CHCHD7: variants seen among roughly 807,000 people sequenced by gnomAD.
CHCHD7 encodes the protein coiled-coil-helix-coiled-coil-helix domain containing 7, also known as coiled-coil-helix-coiled-coil-helix domain-containing protein 7.
CHCHD7 carries 7 observed loss-of-function variants against 10.5 expected under a neutral mutation model. That is an observed-to-expected ratio of 0.67 (90% CI 0.38 to 1.25). CHCHD7 has a LOEUF of 1.25. Among genes scored for constraint, CHCHD7 ranks in the 50% most tolerant of loss-of-function variants. The pLI is 0.02. For missense variants in CHCHD7, 100 were observed against 104.5 expected (o/e 0.96, Z 0.19); for synonymous variants, 40 against 36.0 (o/e 1.11, Z -0.40).
At chr8:56,214,533 T>G in intron 1 of CHCHD7, 65 bp from the exon 2 acceptor site, 1 of 1,204,776 alleles carries the variant, frequency 8.3e-7, no homozygotes, top group Non-Finnish European at 1.2e-6. Flanking sequence ...TTTAGTGCTA[T>G]TGAGATGTAT....
At position 56,218,370 on chromosome 8, in the gene CHCHD7, T is replaced by C. The variant is rs577814136; in HGVS notation, c.*935T>C. 7 of 226,282 alleles carry C rather than the reference T, an allele frequency of 3.1e-5. No individual in the cohort carries two copies. The highest frequency in any genetic ancestry group is 6.2e-5 in the Non-Finnish European group (7 of 113,798). 14.0% of individuals were successfully genotyped at this position (226,282 alleles called of 1,614,324 possible). A position where few individuals can be genotyped will look rare whatever the true frequency, so the allele number is the denominator to read the frequency against. On this transcript the variant is annotated 3_prime_UTR_variant, in exon 4 of 4. Coordinates refer to ENST00000355315, the MANE Select transcript of CHCHD7 (RefSeq NM_001011671.3). The stretch of plus-strand genomic sequence containing the variant: ...GCAGCCCTCCTTATGCCCACTGCCT[T>C]TTAGAATCGTTTGTTTTATTCATGG...
rs752066041 is a variant in CHCHD7 at position 56,217,315 on chromosome 8, T to C, written c.154-16T>C. ...GATTTTGGTTTCTTCTTTTTTATTT[T>C]AATGCCTGTACACAGAATTCTATCG... On this transcript the variant is annotated splice_polypyrimidine_tract_variant and intron_variant, in intron 3 of 3. Transcript: ENST00000355315. The C allele has an allele frequency of 1.3e-6, 2 of 1,506,314 alleles. No individual in the cohort carries two copies. Among genetic ancestry groups the C allele is most frequent in the Admixed American group, 1.8e-5 (1 of 56,174 alleles). 93.3% of individuals were successfully genotyped at this position (1,506,314 alleles called of 1,614,324 possible).
intron 1 of CHCHD7, chr8:56,212,630 AAGT>A: frequency 2.2e-6 from 1 of 464,968 alleles, no homozygotes; most frequent in South Asian, 4.1e-5. Flanking sequence ...TATGCTCTGC[AAGT>A]AGTAGAGCCT....
intron 1 of CHCHD7, chr8:56,212,821 C>T (rs1412241781): frequency 1.2e-5 from 18 of 1,522,738 alleles, no homozygotes; most frequent in Admixed American, 1.7e-5. Flanking sequence ...CTTAGAGTGC[C>T]TTGTATTTAG....
chr8:56,217,647 A>C lies in CHCHD7; in HGVS notation c.*212A>C, dbSNP rs759373156. ...TGGCTGTGTTGTGGCATGAGTTTGC[A>C]TGACTTTCTGGAGGCATGGAGTTAG... On this transcript the variant is annotated 3_prime_UTR_variant, in exon 4 of 4. Transcript: ENST00000355315. 1.6e-5 allele frequency: 7 copies of C among 430,752 alleles called. No individual in the cohort carries two copies. The highest frequency in any genetic ancestry group is 2.9e-5 in the Non-Finnish European group (7 of 238,778). The allele number at this position is 430,752 out of a possible 1,614,324, so 26.7% of individuals were successfully genotyped here.
rs898449519 is a variant in CHCHD7 at position 56,213,730 on chromosome 8, G to T, written c.-16-868G>T. On this transcript the variant is annotated intron_variant, in intron 1 of 3. Coordinates refer to ENST00000355315, the MANE Select transcript of CHCHD7 (RefSeq NM_001011671.3). ...GTAGCATTCCCTGACTTCCTGCAAC[G>T]CAGGGAAATAGTTAAAAAGAAGATG... 2.0e-5 allele frequency: 3 copies of T among 152,230 alleles called. No homozygotes were observed. In the East Asian group the frequency reaches 5.8e-4, roughly 29 times the overall value. 9.4% of individuals were successfully genotyped at this position (152,230 alleles called of 1,614,324 possible). A position where few individuals can be genotyped will look rare whatever the true frequency, so the allele number is the denominator to read the frequency against.
intron 2 of CHCHD7, chr8:56,215,675 AC>A (rs1813307843): frequency 6.6e-6 from 1 of 152,144 alleles, no homozygotes; most frequent in Non-Finnish European, 1.5e-5. Context: ...TTCCTAACAG[AC>A]CGAAGACCAG....
rs1242818281 is a variant in CHCHD7 at position 56,218,167 on chromosome 8, T to C, written c.*732T>C. 4.4e-6 allele frequency: 1 copy of C among 227,996 alleles called. No individual in the cohort carries two copies. Among genetic ancestry groups the C allele is most frequent in the African/African-American group, 2.2e-5 (1 of 45,064 alleles). 14.1% of individuals were successfully genotyped at this position (227,996 alleles called of 1,614,324 possible). A position where few individuals can be genotyped will look rare whatever the true frequency, so the allele number is the denominator to read the frequency against. ...AGTATCAGTTTTTGAACCACAGTAATGGGAAGAAAGACAAATGGATTCCCT... is the reference window on the plus strand; with the variant it reads ...AGTATCAGTTTTTGAACCACAGTAACGGGAAGAAAGACAAATGGATTCCCT... On this transcript the variant is annotated 3_prime_UTR_variant, in exon 4 of 4. Transcript: ENST00000355315.
At chr8:56,216,997 G>A (rs1233251640) in intron 3 of CHCHD7, 5 of 418,248 alleles carry the variant, frequency 1.2e-5, no homozygotes, top group East Asian at 5.1e-5. Flanking sequence ...ATTTCCTTTC[G>A]CTTTGCTAAA....
chr8:56,216,328 C>G, intron 2 of CHCHD7, 105 bp from the exon 3 acceptor site: 1 of 1,516,700 alleles, frequency 6.6e-7, no homozygotes, highest in Non-Finnish European at 8.8e-7. Context: ...CACAAATGAA[C>G]TATTTCACAT....
At chr8:56,214,374 A>G in intron 1 of CHCHD7, 1 of 363,488 alleles carries the variant, frequency 2.8e-6, no homozygotes, top group South Asian at 5.8e-5. Flanking sequence ...CCCAGCCAGT[A>G]GATGCATTTC....
intron 2 of CHCHD7, chr8:56,214,988 C>T (rs1336048153): frequency 9.2e-6 from 2 of 218,388 alleles, no homozygotes; most frequent in Non-Finnish European, 1.9e-5. Flanking sequence ...TTTAAACTGT[C>T]ACTGACATTT....
At chr8:56,213,007 C>T in intron 1 of CHCHD7, 1 of 716,034 alleles carries the variant, frequency 1.4e-6, no homozygotes, top group Non-Finnish European at 2.5e-6. Flanking sequence ...GTTGTCTGAT[C>T]CTTGTTGAGA....
chr8:56,214,219 C>T (rs1022266131), intron 1 of CHCHD7: 22 of 154,980 alleles, frequency 1.4e-4, no homozygotes, highest in East Asian at 7.5e-4. Flanking sequence ...CACAGGCACA[C>T]GGCACGACAC....
chr8:56,217,724 A>G lies in CHCHD7; in HGVS notation c.*289A>G, dbSNP rs933454544. ...TTCCACTGGGTTTTGAAAGAAGAGT[A>G]TGATGTGAACAAGTAAAGACTGAAT... On this transcript the variant is annotated 3_prime_UTR_variant, in exon 4 of 4. Coordinates refer to ENST00000355315, the MANE Select transcript of CHCHD7 (RefSeq NM_001011671.3). The G allele has an allele frequency of 3.1e-6, 1 of 324,602 alleles. No individual in the cohort carries two copies. The highest frequency in any genetic ancestry group is 5.0e-5 in the South Asian group (1 of 20,054). The allele number at this position is 324,602 out of a possible 1,614,324, so 20.1% of individuals were successfully genotyped here. A position where few individuals can be genotyped will look rare whatever the true frequency, so the allele number is the denominator to read the frequency against.
chr8:56,216,113 A>C (rs1335916975), intron 2 of CHCHD7, among the ~76,000 whole-genome samples: 1 of 152,228 alleles, frequency 6.6e-6, no homozygotes, highest in African/African-American at 2.4e-5. Context: ...TGCAGTAGTC[A>C]TTTAACACAT....
chr8:56,213,852 A>G (rs1813180042), intron 1 of CHCHD7: 1 of 152,192 alleles, frequency 6.6e-6, no homozygotes, highest in Non-Finnish European at 1.5e-5. Flanking sequence ...TGTGTTGGCT[A>G]CCCTACTATT....
chr8:56,212,229 G>GA (rs1450552555), intron 1 of CHCHD7: 10 of 153,136 alleles, frequency 6.5e-5, no homozygotes, highest in African/African-American at 2.4e-4. Context: ...CTACACCGCG[G>GA]AAGGCGGCGA....
chr8:56,216,393 T>C (rs552741696), intron 2 of CHCHD7, 40 bp from the exon 3 acceptor site: 1 of 1,612,180 alleles, frequency 6.2e-7, no homozygotes, highest in East Asian at 2.2e-5. Flanking sequence ...TTTTAGATCC[T>C]GTTCTACCTT....
Sources: gnomAD v4.1 joint callset for allele counts (sites outside exome capture counted in the v4.1 genomes callset) on GRCh38, gnomAD v4.1.1 for gene constraint, MANE v1.5 for transcripts, NCBI Gene and HGNC (gene_info 2026-07-23, HGNC 2026-07-21) for gene names.